The following NPTN variants were observed in gnomAD, a reference collection of about 807,000 sequenced individuals.
NPTN encodes SDR-1.
Under a neutral mutation model 42.7 loss-of-function variants are expected in NPTN, and 5 were observed. That is an observed-to-expected ratio of 0.12 (90% CI 0.06 to 0.25). The LOEUF (loss-of-function observed/expected upper bound fraction) is 0.25. Ranked by LOEUF, NPTN falls within the 10% of genes least tolerant of loss-of-function variation. The probability of loss-of-function intolerance (pLI) is 1.00; values close to 1 mark genes in which losing one functional copy is unlikely to be tolerated. For synonymous variants in NPTN, 180 were observed against 201.9 expected (o/e 0.89, Z 0.92); for missense variants, 307 against 525.4 (o/e 0.58, Z 4.06).
intron 7 of NPTN, among the ~76,000 whole-genome samples, chr15:73,562,598 A>G (rs369522907): frequency 6.6e-6 from 1 of 152,144 alleles, no homozygotes; most frequent in African/African-American, 2.4e-5. Context: ...TCTTTAGTCC[A>G]ACTCTAGGAG....
At chr15:73,593,535 C>T (rs1027179349) in intron 2 of NPTN, among the ~76,000 whole-genome samples, 3 of 152,058 alleles carry the variant, frequency 2.0e-5, no homozygotes, top group African/African-American at 7.2e-5. Flanking sequence ...TGAGCCTTAA[C>T]GTGAGGAAAG....
At chr15:73,622,498 T>C (rs1476980900) in intron 1 of NPTN, among the ~76,000 whole-genome samples, 1 of 148,436 alleles carries the variant, frequency 6.7e-6, no homozygotes, top group Non-Finnish European at 1.5e-5. Context: ...GAGAATTGTT[T>C]TAAAAAAAAA....
At chr15:73,633,045 C>T in intron 1 of NPTN, 80 bp downstream of exon 1, 1 of 1,004,596 alleles carries the variant, frequency 1.0e-6, no homozygotes, top group Non-Finnish European at 1.3e-6. Context: ...GCTCCAGCGT[C>T]TCCTCAGGCC....
rs957522903 is a variant in NPTN, at chr15:73,578,760, G to A, written c.707-4965C>T. Among the ~76,000 whole-genome samples, 18 of 152,206 alleles carry A rather than the reference G, an allele frequency of 1.2e-4. No individual in the cohort carries two copies. The South Asian group carries it at 2.9e-3, about 25-fold the overall frequency. Reference sequence around the variant, plus strand: ...TGTAATCCCAGCACTTTGGGAGGCCGAGGTGGGCGGATCACCTAAGGTCAG... The same window carrying A: ...TGTAATCCCAGCACTTTGGGAGGCCAAGGTGGGCGGATCACCTAAGGTCAG... On this transcript the variant is annotated intron_variant, in intron 4 of 8. Transcript: ENST00000345330.
At chr15:73,564,556 G>T (rs1894870182) in intron 6 of NPTN, among the ~76,000 whole-genome samples, 1 of 152,186 alleles carries the variant, frequency 6.6e-6, no homozygotes, top group Non-Finnish European at 1.5e-5. Context: ...AGTGTCCACA[G>T]GAGTCCACTA....
chr15:73,591,805 C>T (rs1896597821), intron 3 of NPTN, 161 bp downstream of exon 3: 1 of 581,554 alleles, frequency 1.7e-6, no homozygotes, highest in Non-Finnish European at 3.0e-6. Flanking sequence ...GGAATCTTTT[C>T]TAGACTACTG....
In NPTN at chr15:73,570,068, C is replaced by T. The variant is rs1287427444; in HGVS notation, c.1114+82G>A. 2.2e-6 allele frequency: 3 copies of T among 1,374,724 alleles called. No individual in the cohort carries two copies. Among genetic ancestry groups the T allele is most frequent in the Non-Finnish European group, 2.9e-6 (3 of 1,022,952 alleles). 85.2% of individuals were successfully genotyped at this position (1,374,724 alleles called of 1,614,324 possible). ...CCTTTAGGGATTGAATCCCAACATC[C>T]CTATAGTCCTCTTTGGGTACTTGGA... On this transcript the variant is annotated intron_variant, in intron 6 of 8. Transcript: ENST00000345330. This position sits in a 1 kb window ranked among gnomAD's most constrained non-coding sequence, Gnocchi z 4.0.
At chr15:73,595,548 A>C (rs556247114) in intron 2 of NPTN, among the ~76,000 whole-genome samples, 7 of 152,284 alleles carry the variant, frequency 4.6e-5, no homozygotes, top group African/African-American at 1.7e-4. Flanking sequence ...TTTCCATCTA[A>C]GTATATAGAC....
In NPTN at chr15:73,569,249, T is replaced by C; in HGVS notation, c.1114+901A>G. 1 of 985,520 alleles carries C rather than the reference T, an allele frequency of 1.0e-6. No individual in the cohort carries two copies. The highest frequency in any genetic ancestry group is 1.2e-6 in the Non-Finnish European group (1 of 830,006). 61.0% of individuals were successfully genotyped at this position (985,520 alleles called of 1,614,324 possible). A position where few individuals can be genotyped will look rare whatever the true frequency, so the allele number is the denominator to read the frequency against. ...TGGGGAGCCAGCTGGGAACCTGAAG[T>C]ACTGCAGATACAAGTCTCCATCAGC... On this transcript the variant is annotated intron_variant, in intron 6 of 8. Transcript: ENST00000345330. The surrounding 1 kb of genome is among the most constrained non-coding windows in gnomAD (Gnocchi z 4.1).
At chr15:73,574,473 C>T (rs987291078) in intron 4 of NPTN, among the ~76,000 whole-genome samples, 1 of 152,100 alleles carries the variant, frequency 6.6e-6, no homozygotes, top group East Asian at 1.9e-4. Context: ...CAGGCTGGAG[C>T]ATAGTGGCAT....
intron 4 of NPTN, among the ~76,000 whole-genome samples, chr15:73,577,917 T>C (rs1315471232): frequency 6.6e-6 from 1 of 152,126 alleles, no homozygotes; most frequent in African/African-American, 2.4e-5. Context: ...GCTCCCTGAA[T>C]GCTAGGGGAG....
intron 4 of NPTN, among the ~76,000 whole-genome samples, chr15:73,578,082 G>T (rs1895790398): frequency 6.6e-6 from 1 of 152,108 alleles, no homozygotes; most frequent in African/African-American, 2.4e-5. Flanking sequence ...ACAGCAAAGA[G>T]GATTTGATTG....
At chr15:73,584,870 G>A (rs1036454301) in intron 4 of NPTN, among the ~76,000 whole-genome samples, 16 of 151,734 alleles carry the variant, frequency 1.1e-4, no homozygotes, top group African/African-American at 2.7e-4. Context: ...CTTTCTTGAC[G>A]GTGATCTACA....
intron 1 of NPTN, among the ~76,000 whole-genome samples, chr15:73,625,533 G>A (rs1595974440): frequency 1.3e-5 from 2 of 152,120 alleles, no homozygotes; most frequent in East Asian, 1.9e-4. Flanking sequence ...GGGTTTCACC[G>A]TGTTAGCCAG....
chr15:73,609,361 T>G (rs1165597302), intron 1 of NPTN, among the ~76,000 whole-genome samples: 2 of 152,238 alleles, frequency 1.3e-5, no homozygotes, highest in Non-Finnish European at 2.9e-5. Flanking sequence ...CCGGGCGCAG[T>G]GGCTCACGCC....
Position 73,561,955 on chromosome 15 carries a change from G to A in NPTN, c.1152C>T (p.Thr384=), listed in dbSNP as rs754816986. 1.3e-6 allele frequency: 2 copies of A among 1,591,022 alleles called. No individual in the cohort carries two copies. The highest frequency in any genetic ancestry group is 1.2e-5 in the South Asian group (1 of 86,470). Residue 384 remains threonine (T), a synonymous_variant, in exon 8 of 9, where the codon ACC becomes ACT. Coordinates refer to ENST00000345330, the MANE Select transcript of NPTN (RefSeq NM_012428.4). The stretch of plus-strand genomic sequence containing the variant: ...GCAAGTTTTTATCTTTGTGATTGTT[G>A]GTAGAGTTGGTTTTCCTTTGGAGGA... ...EPAGPMKTNS[T]NNHKDKNLRQ...
rs1327739605 is a variant in NPTN, at chr15:73,624,329, C to T, written c.91+8796G>A. The stretch of plus-strand genomic sequence containing the variant: ...CTTGCTTTTTTCCAGGTAGCAGTTT[C>T]CTGGTTTGCATTAAGGCCATTTATT... On this transcript the variant is annotated intron_variant, in intron 1 of 8. Transcript: ENST00000345330. 2.6e-5 allele frequency among the ~76,000 whole-genome samples: 4 copies of T among 152,170 alleles called. No individual in the cohort carries two copies. The East Asian group carries it at 5.8e-4, about 22-fold the overall frequency.
intron 1 of NPTN, among the ~76,000 whole-genome samples, chr15:73,621,030 C>A (rs1898115641): frequency 6.6e-6 from 1 of 152,092 alleles, no homozygotes; most frequent in African/African-American, 2.4e-5. Flanking sequence ...TAGGTCAAAA[C>A]ATCTATGAAT....
Position 73,560,712 on chromosome 15 carries a change from T to A in NPTN, c.*351A>T, listed in dbSNP as rs1894611117. Reference sequence around the variant, plus strand: ...TGTATCACTAGATGGCAGCAGTGCATTTTAGAGCTTTGCCAATTTAACAGC... The same window carrying A: ...TGTATCACTAGATGGCAGCAGTGCAATTTAGAGCTTTGCCAATTTAACAGC... On this transcript the variant is annotated 3_prime_UTR_variant, in exon 9 of 9. Transcript: ENST00000345330. 1 of 151,802 alleles carries A rather than the reference T, an allele frequency of 6.6e-6. No homozygotes were observed. Among genetic ancestry groups the A allele is most frequent in the Non-Finnish European group, 1.5e-5 (1 of 67,944 alleles). The allele number at this position is 151,802 out of a possible 1,614,324, so 9.4% of individuals were successfully genotyped here. A position where few individuals can be genotyped will look rare whatever the true frequency, so the allele number is the denominator to read the frequency against.
Sources: allele counts gnomAD v4.1 joint callset (sites outside exome capture counted in the v4.1 genomes callset), GRCh38; gene constraint gnomAD v4.1.1; non-coding constraint Gnocchi (gnomAD v3.1); transcripts MANE v1.5; gene names NCBI Gene and HGNC (gene_info 2026-07-23, HGNC 2026-07-21).